Variants in LRRTM3 observed in about 807,000 individuals in gnomAD.
LRRTM3 encodes leucine rich repeat transmembrane neuronal 3.
A neutral mutation model predicts 44.7 loss-of-function variants in LRRTM3; 24 were observed. The observed-to-expected ratio is 0.54, with a 90% CI of 0.39 to 0.76. The LOEUF is 0.76. LRRTM3 is among the 30% of genes least tolerant of loss of function. The pLI is 0.00. For missense variants in LRRTM3, 587 were observed against 702.2 expected (o/e 0.84, Z 1.85); for synonymous variants, 277 against 278.7 (o/e 0.99, Z 0.06).
intron 2 of LRRTM3, among the ~76,000 whole-genome samples, chr10:66,952,539 ATG>A (rs138390909): frequency 0.018 from 2,782 of 151,658 alleles, 76 homozygotes; most frequent in African/African-American, 0.063. Flanking sequence ...GTGTGTATTT[ATG>A]TGTGTGTGTG....
intron 2 of LRRTM3, among the ~76,000 whole-genome samples, chr10:67,079,168 T>C (rs759007539): frequency 6.6e-6 from 1 of 152,232 alleles, no homozygotes. Flanking sequence ...GATGTTCTGC[T>C]GGCTGTATTT....
intron 2 of LRRTM3, among the ~76,000 whole-genome samples, chr10:67,043,247 AGAT>A (rs1854518709): frequency 6.6e-6 from 1 of 151,908 alleles, no homozygotes; most frequent in African/African-American, 2.4e-5. Flanking sequence ...AACATCCCAC[AGAT>A]GATGAATGGT....
chr10:67,067,180 C>G (rs1199675977), intron 2 of LRRTM3, among the ~76,000 whole-genome samples: 1 of 151,974 alleles, frequency 6.6e-6, no homozygotes, highest in Non-Finnish European at 1.5e-5. Context: ...TAAATCTTAG[C>G]AAACTATATG....
chr10:67,089,717 A>ATG (rs71006125), intron 2 of LRRTM3, among the ~76,000 whole-genome samples: 50,943 of 144,472 alleles, frequency 0.35, 9,082 homozygotes, highest in Non-Finnish European at 0.43. Flanking sequence ...GTATATACAT[A>ATG]TGTGTGTGTG....
chr10:66,976,458 T>C (rs1347588891), intron 2 of LRRTM3, among the ~76,000 whole-genome samples: 4 of 152,142 alleles, frequency 2.6e-5, no homozygotes, highest in Admixed American at 2.6e-4. Context: ...CTTGCCTTCA[T>C]CTCTTTTTCT....
rs1847470954 is a variant in LRRTM3, at chr10:66,932,697, TTAAA to T, written c.1536+4246_1536+4249del. Among the ~76,000 whole-genome samples the T allele has an allele frequency of 4.2e-5, 3 of 72,224 alleles. No homozygotes were observed. The South Asian group carries it at 1.9e-3, about 45-fold the overall frequency. 47.4% of individuals were successfully genotyped at this position (72,224 alleles called of 152,430 possible). A position where few individuals can be genotyped will look rare whatever the true frequency, so the allele number is the denominator to read the frequency against. ...TCAAATAGCTCTAATTAAAAATGAA[TTAAA>T]GAAATAATAATAATACATAGGTGAA... On this transcript the variant is annotated intron_variant, in intron 2 of 2. Transcript: ENST00000361320.
At chr10:66,966,129 T>G (rs1849397971) in intron 2 of LRRTM3, among the ~76,000 whole-genome samples, 1 of 151,868 alleles carries the variant, frequency 6.6e-6, no homozygotes, top group Non-Finnish European at 1.5e-5. Context: ...TATTTTATAG[T>G]GCCATTTTGA....
At chr10:67,090,249 G>C (rs992740938) in intron 2 of LRRTM3, among the ~76,000 whole-genome samples, 2 of 152,042 alleles carry the variant, frequency 1.3e-5, no homozygotes, top group African/African-American at 4.8e-5. Flanking sequence ...TGTGTAGTAA[G>C]AAGCAGAGAA....
At chr10:67,015,558 T>A (rs1852603594) in intron 2 of LRRTM3, 1 of 152,184 alleles carries the variant, frequency 6.6e-6, no homozygotes, top group Admixed American at 6.5e-5. Context: ...GTAGCTGGTA[T>A]CTTTTCCATA....
intron 2 of LRRTM3, among the ~76,000 whole-genome samples, chr10:67,067,154 T>A (rs1006645838): frequency 6.6e-6 from 1 of 152,166 alleles, no homozygotes; most frequent in African/African-American, 2.4e-5. Flanking sequence ...ACATATGACA[T>A]AAGCATGTCA....
intron 2 of LRRTM3, among the ~76,000 whole-genome samples, chr10:67,007,258 C>A (rs1174276027): frequency 4.6e-5 from 7 of 152,150 alleles, no homozygotes; most frequent in Non-Finnish European, 7.4e-5. Flanking sequence ...GACTGTGACT[C>A]ACCATGTATT....
intron 2 of LRRTM3, among the ~76,000 whole-genome samples, chr10:67,008,692 T>C (rs1852150661): frequency 6.6e-6 from 1 of 152,162 alleles, no homozygotes; most frequent in East Asian, 1.9e-4. Context: ...CCAGCTAGGA[T>C]AGCACATCTC....
At chr10:67,042,876 T>C (rs529151951) in intron 2 of LRRTM3, among the ~76,000 whole-genome samples, 1 of 152,118 alleles carries the variant, frequency 6.6e-6, no homozygotes, top group Non-Finnish European at 1.5e-5. Flanking sequence ...TAAAGGGCAA[T>C]AGACCAGAGG....
Position 67,097,948 on chromosome 10 carries a change from AAAG to A in LRRTM3, c.*157_*159del, listed in dbSNP as rs1411910496. The A allele has an allele frequency of 1.5e-6, 1 of 661,638 alleles. No individual in the cohort carries two copies. Among genetic ancestry groups the A allele is most frequent in the Non-Finnish European group, 2.6e-6 (1 of 388,816 alleles). The allele number at this position is 661,638 out of a possible 1,614,324, so 41.0% of individuals were successfully genotyped here. On this transcript the variant is annotated 3_prime_UTR_variant, in exon 3 of 3. Transcript: ENST00000361320. ...AAAATCCAAGATTGATTCATGAAAT[AAAG>A]AAGACATGAATTGTTTTAAGTCTAC...
At chr10:66,981,568 C>T (rs1308569384) in intron 2 of LRRTM3, among the ~76,000 whole-genome samples, 2 of 152,204 alleles carry the variant, frequency 1.3e-5, no homozygotes, top group Non-Finnish European at 2.9e-5. Context: ...ACATTTTCTT[C>T]CTTCTGTAGC....
chr10:66,989,958 A>T (rs1036816981), intron 2 of LRRTM3, among the ~76,000 whole-genome samples: 12 of 152,176 alleles, frequency 7.9e-5, no homozygotes, highest in Non-Finnish European at 1.6e-4. Flanking sequence ...AAATTAAGAT[A>T]GCCACCTCAA....
At chr10:67,070,258 T>G (rs1856366622) in intron 2 of LRRTM3, among the ~76,000 whole-genome samples, 1 of 152,224 alleles carries the variant, frequency 6.6e-6, no homozygotes, top group Non-Finnish European at 1.5e-5. Flanking sequence ...CTTTTGTCTT[T>G]ATCTTTTTTA....
At position 67,055,955 on chromosome 10, in the gene LRRTM3, A is replaced by G. The variant is rs566919174; in HGVS notation, c.1537-41632A>G. Reference sequence around the variant, plus strand: ...TCAGGTTTTATTTACACTGATGATAATGTGTTTCCTCATGAGCATAATACT... The same window carrying G: ...TCAGGTTTTATTTACACTGATGATAGTGTGTTTCCTCATGAGCATAATACT... On this transcript the variant is annotated intron_variant, in intron 2 of 2. Transcript: ENST00000361320. Among the ~76,000 whole-genome samples, 31 of 152,220 alleles carry G rather than the reference A, an allele frequency of 2.0e-4. 1 individual carries two copies. The South Asian group carries it at 6.4e-3, about 32-fold the overall frequency.
intron 2 of LRRTM3, among the ~76,000 whole-genome samples, chr10:66,986,303 C>T (rs1697571201): frequency 2.0e-5 from 3 of 152,030 alleles, no homozygotes; most frequent in Admixed American, 2.0e-4. Flanking sequence ...TTCCAGACAG[C>T]CTGGGCAACA....
Sources: allele counts gnomAD v4.1 joint callset (sites outside exome capture counted in the v4.1 genomes callset), GRCh38; gene constraint gnomAD v4.1.1; transcripts MANE v1.5; gene names NCBI Gene and HGNC (gene_info 2026-07-23, HGNC 2026-07-21).